Variants in SPAG16 observed in about 807,000 individuals in gnomAD.
SPAG16 encodes the protein sperm-associated antigen 16 protein.
SPAG16 carries 86 observed loss-of-function variants against 80.4 expected under a neutral mutation model. The ratio of observed to expected loss-of-function variants is 1.07; its 90% CI spans 0.90 to 1.28. The LOEUF (loss-of-function observed/expected upper bound fraction) is 1.28, where lower values mean the gene tolerates loss of function less well. Ranked by LOEUF, SPAG16 falls within the 50% of genes most tolerant of loss-of-function variation. SPAG16 has a pLI of 0.00. For missense variants in SPAG16, 870 were observed against 765.3 expected, an observed-to-expected ratio of 1.14 and a Z score of -1.61; for synonymous variants, 294 against 265.9, an observed-to-expected ratio of 1.11 and a Z score of -1.03.
intron 13 of SPAG16, among the ~76,000 whole-genome samples, chr2:214,031,862 A>T (rs2048431523): frequency 6.6e-6 from 1 of 152,068 alleles, no homozygotes; most frequent in African/African-American, 2.4e-5. Flanking sequence ...AAACAACCAG[A>T]TCTCATGAGA....
intron 10 of SPAG16, among the ~76,000 whole-genome samples, chr2:213,692,591 A>G (rs1037928953): frequency 6.6e-6 from 1 of 152,118 alleles, no homozygotes; most frequent in Admixed American, 6.5e-5. Flanking sequence ...TGGGCAGATC[A>G]CAAGGTCAGC....
At chr2:213,587,966 G>T (rs1468576764) in intron 10 of SPAG16, among the ~76,000 whole-genome samples, 1 of 152,116 alleles carries the variant, frequency 6.6e-6, no homozygotes, top group Non-Finnish European at 1.5e-5. Context: ...ATATATGGAT[G>T]AAAAGTTTAG....
At chr2:214,102,940 T>TA in intron 13 of SPAG16, among the ~76,000 whole-genome samples, 1 of 152,256 alleles carries the variant, frequency 6.6e-6, no homozygotes, top group East Asian at 1.9e-4. Flanking sequence ...ACCTTGTTGC[T>TA]AGGACTTCAT....
At chr2:213,589,043 C>A (rs1308865941) in intron 10 of SPAG16, among the ~76,000 whole-genome samples, 3 of 151,934 alleles carry the variant, frequency 2.0e-5, no homozygotes, top group Non-Finnish European at 2.9e-5. Context: ...ATTAGTCAAT[C>A]ATTATTTATT....
chr2:213,715,395 T>C (rs769777379), intron 10 of SPAG16, among the ~76,000 whole-genome samples: 4 of 152,110 alleles, frequency 2.6e-5, no homozygotes, highest in Non-Finnish European at 5.9e-5. Context: ...TATCATAAAG[T>C]TAGAGTAAGG....
At chr2:214,308,118 G>T (rs990814857) in intron 15 of SPAG16, among the ~76,000 whole-genome samples, 1 of 151,910 alleles carries the variant, frequency 6.6e-6, no homozygotes, top group African/African-American at 2.4e-5. Flanking sequence ...TTCTTGTTGA[G>T]TTTAACCCTT....
intron 15 of SPAG16, among the ~76,000 whole-genome samples, chr2:214,226,739 A>T (rs1702010418): frequency 6.6e-6 from 1 of 152,062 alleles, no homozygotes; most frequent in South Asian, 2.1e-4. Flanking sequence ...GAAAAATAAG[A>T]GATACAAGAC....
chr2:213,777,278 A>T (rs1575109159), intron 10 of SPAG16, among the ~76,000 whole-genome samples: 1 of 105,566 alleles, frequency 9.5e-6, no homozygotes. Context: ...ACGTAGTCTC[A>T]TTCTGTCGCT....
At chr2:214,395,203 C>T (rs1701297755) in intron 15 of SPAG16, among the ~76,000 whole-genome samples, 1 of 152,096 alleles carries the variant, frequency 6.6e-6, no homozygotes. Context: ...CATAAGTTTC[C>T]ACCTCTTTGG....
At chr2:213,544,671 T>A (rs182984333) in intron 10 of SPAG16, among the ~76,000 whole-genome samples, 1 of 152,090 alleles carries the variant, frequency 6.6e-6, no homozygotes, top group Non-Finnish European at 1.5e-5. Flanking sequence ...GTGCTCTACC[T>A]ATTCATATCG....
chr2:214,118,278 A>G (rs1043654646), intron 14 of SPAG16, among the ~76,000 whole-genome samples: 3 of 152,180 alleles, frequency 2.0e-5, no homozygotes, highest in Non-Finnish European at 2.9e-5. Context: ...TTAAACAAAA[A>G]CATGAAATGT....
At chr2:214,298,472 C>T (rs1269876527) in intron 15 of SPAG16, among the ~76,000 whole-genome samples, 1 of 151,982 alleles carries the variant, frequency 6.6e-6, no homozygotes. Context: ...TTTAGACTAG[C>T]TGGCAATGGT....
At chr2:213,875,576 A>G (rs1448169224) in intron 11 of SPAG16, among the ~76,000 whole-genome samples, 1 of 152,156 alleles carries the variant, frequency 6.6e-6, no homozygotes, top group East Asian at 1.9e-4. Context: ...TCTCACACTG[A>G]TTTAAAAATA....
chr2:214,054,865 A>G (rs2049851958), intron 13 of SPAG16, among the ~76,000 whole-genome samples: 1 of 152,222 alleles, frequency 6.6e-6, no homozygotes, highest in African/African-American at 2.4e-5. Flanking sequence ...ATATATGACA[A>G]TTAGCAGTAT....
chr2:214,315,505 A>T (rs79889063), intron 15 of SPAG16, among the ~76,000 whole-genome samples: 62 of 27,228 alleles, frequency 2.3e-3, no homozygotes, highest in African/African-American at 0.019. Flanking sequence ...CATCTTTTTT[A>T]TTTATTTATT....
chr2:213,455,783 A>G (rs1221158979), intron 9 of SPAG16, among the ~76,000 whole-genome samples: 1 of 152,190 alleles, frequency 6.6e-6, no homozygotes, highest in African/African-American at 2.4e-5. Context: ...TCCCCTGCCC[A>G]TGGCTCACCT....
chr2:213,992,491 G>C (rs1424450349), intron 12 of SPAG16, among the ~76,000 whole-genome samples: 2 of 151,928 alleles, frequency 1.3e-5, no homozygotes, highest in Non-Finnish European at 2.9e-5. Flanking sequence ...TTAAAGTTAG[G>C]TTAATATATC....
At chr2:213,692,500 C>G (rs1211324071) in intron 10 of SPAG16, among the ~76,000 whole-genome samples, 1 of 152,078 alleles carries the variant, frequency 6.6e-6, no homozygotes, top group Non-Finnish European at 1.5e-5. Context: ...AGAGTTATGC[C>G]TTACTGTTTC....
At chr2:213,996,953 T>A (rs771044830) in intron 12 of SPAG16, among the ~76,000 whole-genome samples, 1 of 152,214 alleles carries the variant, frequency 6.6e-6, no homozygotes, top group Non-Finnish European at 1.5e-5. Context: ...TCTTATATGT[T>A]ATATTCTTGT....
Sources: allele counts gnomAD v4.1 joint callset (sites outside exome capture counted in the v4.1 genomes callset), GRCh38; gene constraint gnomAD v4.1.1; transcripts MANE v1.5; gene names NCBI Gene and HGNC (gene_info 2026-07-23, HGNC 2026-07-21).